ARHGAP44: variants seen among roughly 807,000 people sequenced by gnomAD.
ARHGAP44 encodes Rho GTPase activating protein 44.
ARHGAP44 carries 43 observed loss-of-function variants against 106.8 expected under a neutral mutation model. The ratio of observed to expected loss-of-function variants is 0.40; its 90% CI spans 0.32 to 0.52. ARHGAP44 has a LOEUF of 0.52. ARHGAP44 is among the 20% of genes least tolerant of loss of function. The probability of loss-of-function intolerance (pLI) is 0.48; values close to 1 mark genes in which losing one functional copy is unlikely to be tolerated. For missense variants in ARHGAP44, 866 were observed against 1,050.5 expected (o/e 0.82, Z 2.43); for synonymous variants, 439 against 410.3 (o/e 1.07, Z -0.85).
intron 12 of ARHGAP44, among the ~76,000 whole-genome samples, chr17:12,951,610 G>T (rs543437969): frequency 6.6e-5 from 10 of 152,226 alleles, no homozygotes; most frequent in African/African-American, 2.4e-4. Context: ...TGCAAATGTG[G>T]GTCTCCATTA....
intron 6 of ARHGAP44, among the ~76,000 whole-genome samples, chr17:12,924,190 A>AT (rs1466909576): frequency 6.6e-6 from 1 of 152,196 alleles, no homozygotes; most frequent in Non-Finnish European, 1.5e-5. Flanking sequence ...ATTCTGATGG[A>AT]TACTGTCAAA....
At chr17:12,804,099 C>T (rs1185024419) in intron 1 of ARHGAP44, among the ~76,000 whole-genome samples, 1 of 152,180 alleles carries the variant, frequency 6.6e-6, no homozygotes, top group Non-Finnish European at 1.5e-5. Flanking sequence ...TTTTTCTTCG[C>T]TTTGCCTTCA....
intron 18 of ARHGAP44, among the ~76,000 whole-genome samples, chr17:12,975,898 G>A (rs2039670302): frequency 6.6e-6 from 1 of 151,778 alleles, no homozygotes; most frequent in Non-Finnish European, 1.5e-5. Flanking sequence ...GACAGCACTT[G>A]GTTATGCATA....
In ARHGAP44 at chr17:12,925,987, A is replaced by G. The variant is rs1419048378; in HGVS notation, c.465-2942A>G. Among the ~76,000 whole-genome samples, 7 of 152,346 alleles carry G rather than the reference A, an allele frequency of 4.6e-5. No homozygotes were observed. In the East Asian group the frequency reaches 1.2e-3, roughly 25 times the overall value. ...ATCTGTACAAAACTCGTCTGTTCAC[A>G]TGACAAGAGTTTACCTTGGTATTTT... On this transcript the variant is annotated intron_variant, in intron 6 of 20. Coordinates refer to ENST00000379672, the MANE Select transcript of ARHGAP44 (RefSeq NM_014859.6).
At chr17:12,835,051 C>T (rs576816602) in intron 1 of ARHGAP44, among the ~76,000 whole-genome samples, 2 of 152,276 alleles carry the variant, frequency 1.3e-5, no homozygotes, top group African/African-American at 4.8e-5. Flanking sequence ...ATTTTTAATT[C>T]ATCCGAATAA....
intron 19 of ARHGAP44, among the ~76,000 whole-genome samples, chr17:12,982,364 A>G (rs566960911): frequency 5.2e-4 from 79 of 151,676 alleles, no homozygotes; most frequent in African/African-American, 1.7e-3. Context: ...GCGTGCCGAC[A>G]ATTTCACATC....
chr17:12,871,794 C>G (rs976441157), intron 1 of ARHGAP44, among the ~76,000 whole-genome samples: 5 of 152,152 alleles, frequency 3.3e-5, no homozygotes, highest in African/African-American at 1.2e-4. Context: ...CCCCCCGTCT[C>G]TCTCTTATTC....
chr17:12,837,020 A>T (rs1308228096), intron 1 of ARHGAP44, among the ~76,000 whole-genome samples: 1 of 152,238 alleles, frequency 6.6e-6, no homozygotes, highest in African/African-American at 2.4e-5. Context: ...ACCAAGGTTG[A>T]CCATATTCTC....
chr17:12,911,644 A>G (rs2037741271), intron 4 of ARHGAP44, among the ~76,000 whole-genome samples: 1 of 152,166 alleles, frequency 6.6e-6, no homozygotes, highest in African/African-American at 2.4e-5. Context: ...CCCCAACCAC[A>G]TGTCTAGGAA....
chr17:12,868,615 A>G (rs1247272337), intron 1 of ARHGAP44, among the ~76,000 whole-genome samples: 2 of 142,240 alleles, frequency 1.4e-5, no homozygotes, highest in African/African-American at 5.1e-5. Context: ...ATATATATAT[A>G]TATATATATA....
chr17:12,804,909 C>T (rs1368005651), intron 1 of ARHGAP44, among the ~76,000 whole-genome samples: 1 of 152,196 alleles, frequency 6.6e-6, no homozygotes, highest in Non-Finnish European at 1.5e-5. Flanking sequence ...GAGTGCAATT[C>T]AGACATCCCC....
At chr17:12,983,644 A>G (rs1567724348) in intron 19 of ARHGAP44, among the ~76,000 whole-genome samples, 1 of 152,152 alleles carries the variant, frequency 6.6e-6, no homozygotes, top group Non-Finnish European at 1.5e-5. Context: ...GTGTCTACTA[A>G]AAACACAAAA....
chr17:12,898,741 T>C (rs1415218651), intron 3 of ARHGAP44, among the ~76,000 whole-genome samples: 3 of 152,158 alleles, frequency 2.0e-5, no homozygotes, highest in African/African-American at 7.2e-5. Flanking sequence ...AAGGTGAATA[T>C]GTGTCCAAGA....
chr17:12,951,836 T>G (rs554520453), intron 12 of ARHGAP44, among the ~76,000 whole-genome samples: 3 of 152,316 alleles, frequency 2.0e-5, no homozygotes, highest in Admixed American at 2.0e-4. Context: ...GAACCCTTTT[T>G]TCAGAGACTT....
At chr17:12,940,324 T>C (rs2150979880) in intron 7 of ARHGAP44, among the ~76,000 whole-genome samples, 1 of 152,340 alleles carries the variant, frequency 6.6e-6, no homozygotes, top group Middle Eastern at 3.4e-3. Context: ...GAGTCTACAT[T>C]CTGCTCAAAA....
intron 1 of ARHGAP44, among the ~76,000 whole-genome samples, chr17:12,867,391 G>A (rs1339440033): frequency 6.6e-6 from 1 of 152,148 alleles, no homozygotes; most frequent in Admixed American, 6.6e-5. Context: ...TGGGAGGCAT[G>A]TAAAGAGTAA....
At chr17:12,849,492 TG>T (rs1287669166) in intron 1 of ARHGAP44, among the ~76,000 whole-genome samples, 1 of 151,632 alleles carries the variant, frequency 6.6e-6, no homozygotes, top group East Asian at 2.0e-4. Flanking sequence ...GTTTGAATTG[TG>T]GTTGTTCCCT....
At chr17:12,986,684 AAAAAAAAAAAAAAAAAAAGAAT>A in intron 20 of ARHGAP44, 1 of 147,302 alleles carries the variant, frequency 6.8e-6, no homozygotes, top group African/African-American at 2.5e-5. Context: ...AAAAAAAAAA[AAAAAAAAAAAAAAAAAAAGAAT>A]GAGCAGAAGA....
At chr17:12,864,625 A>G (rs1367570341) in intron 1 of ARHGAP44, among the ~76,000 whole-genome samples, 1 of 152,214 alleles carries the variant, frequency 6.6e-6, no homozygotes, top group East Asian at 1.9e-4. Flanking sequence ...AGGCAGAGAA[A>G]CATCACAGCT....
Sources: gnomAD v4.1 joint callset for allele counts (sites outside exome capture counted in the v4.1 genomes callset) on GRCh38, gnomAD v4.1.1 for gene constraint, MANE v1.5 for transcripts, NCBI Gene and HGNC (gene_info 2026-07-23, HGNC 2026-07-21) for gene names.